The following TNFAIP8 variants were observed in gnomAD, a reference collection of about 807,000 sequenced individuals.
TNFAIP8 encodes tumor necrosis factor alpha-induced protein 8.
TNFAIP8 carries 7 observed loss-of-function variants against 13.3 expected under a neutral mutation model. The ratio of observed to expected loss-of-function variants is 0.52; its 90% CI spans 0.30 to 0.99. TNFAIP8 has a LOEUF of 0.99. Among genes scored for constraint, TNFAIP8 ranks in the 50% least tolerant of loss-of-function variants. The probability of loss-of-function intolerance (pLI) is 0.07; values close to 1 mark genes in which losing one functional copy is unlikely to be tolerated. For synonymous variants in TNFAIP8, 94 were observed against 87.6 expected (o/e 1.07, Z -0.41); for missense variants, 258 against 236.9 (o/e 1.09, Z -0.58).
intron 1 of TNFAIP8, among the ~76,000 whole-genome samples, chr5:119,291,209 G>T (rs951579545): frequency 7.2e-5 from 11 of 152,150 alleles, no homozygotes; most frequent in African/African-American, 2.7e-4. Context: ...GTTATCACAA[G>T]TAGATAGCAA....
At chr5:119,311,706 A>AAAAAAAAAAAAC (rs1749735914) in intron 1 of TNFAIP8, among the ~76,000 whole-genome samples, 1 of 151,426 alleles carries the variant, frequency 6.6e-6, no homozygotes, top group Non-Finnish European at 1.5e-5. Flanking sequence ...AAAAAAAAAA[A>AAAAAAAAAAAAC]AAATCAGTGA....
intron 1 of TNFAIP8, among the ~76,000 whole-genome samples, chr5:119,389,674 T>C (rs1421239011): frequency 6.6e-6 from 1 of 152,060 alleles, no homozygotes; most frequent in Non-Finnish European, 1.5e-5. Context: ...CTCATGCATG[T>C]CTTCTTGGTG....
chr5:119,317,114 C>T (rs562313618), intron 1 of TNFAIP8, among the ~76,000 whole-genome samples: 1 of 152,270 alleles, frequency 6.6e-6, no homozygotes, highest in Admixed American at 6.5e-5. Context: ...GTAGTTTTGC[C>T]TCTGCCCTTT....
chr5:119,371,185 A>G (rs1032577148), intron 1 of TNFAIP8, among the ~76,000 whole-genome samples: 1 of 152,196 alleles, frequency 6.6e-6, no homozygotes, highest in Non-Finnish European at 1.5e-5. Flanking sequence ...ATAAGACAGC[A>G]TTCATTTTGA....
intron 1 of TNFAIP8, among the ~76,000 whole-genome samples, chr5:119,293,582 T>G (rs557156146): frequency 6.6e-6 from 1 of 152,366 alleles, no homozygotes; most frequent in South Asian, 2.1e-4. Flanking sequence ...ATTGTCACTA[T>G]TTATTCCGGA....
At chr5:119,298,256 T>C (rs558323947) in intron 1 of TNFAIP8, among the ~76,000 whole-genome samples, 5 of 152,088 alleles carry the variant, frequency 3.3e-5, no homozygotes, top group African/African-American at 1.2e-4. Flanking sequence ...GGTTGTTCCT[T>C]TCCATGTTTA....
chr5:119,290,750 C>G (rs1224768892), intron 1 of TNFAIP8, among the ~76,000 whole-genome samples: 1 of 152,096 alleles, frequency 6.6e-6, no homozygotes, highest in African/African-American at 2.4e-5. Context: ...AGGAAGGAGG[C>G]AGAATGTAAA....
Position 119,363,651 on chromosome 5 carries a change from C to T in TNFAIP8, c.31+7530C>T, listed in dbSNP as rs145778841. Among the ~76,000 whole-genome samples, 685 of 152,352 alleles carry T rather than the reference C, an allele frequency of 4.5e-3. 9 individuals carry two copies. Among genetic ancestry groups the T allele is most frequent in the South Asian group, 0.043 (206 of 4,830 alleles). ...GGTTTCCTATACATTCACAACATTG[C>T]TGACACCGAATGTGAGAGGGTCTTT... On this transcript the variant is annotated intron_variant, in intron 1 of 1. Transcript: ENST00000504771.
In TNFAIP8 at chr5:119,276,809, A is replaced by G. The variant is rs140909308; in HGVS notation, c.1+7902A>G. On this transcript the variant is annotated intron_variant, in intron 1 of 1. Coordinates refer to the TNFAIP8 transcript ENST00000274456. ...CCATACTAGAGATCAGGGTTTCAGT[A>G]TATGAATTTGGGTGGTACATTTCAG... Among the ~76,000 whole-genome samples, 516 of 152,316 alleles carry G rather than the reference A, an allele frequency of 3.4e-3. 5 individuals are homozygous for G. Among genetic ancestry groups the G allele is most frequent in the East Asian group, 0.022 (113 of 5,194 alleles).
chr5:119,367,293 T>A (rs1018121084), intron 1 of TNFAIP8, among the ~76,000 whole-genome samples: 1 of 138,432 alleles, frequency 7.2e-6, no homozygotes, highest in Non-Finnish European at 1.6e-5. Flanking sequence ...AGGAATAATT[T>A]GATTTTTTTG....
chr5:119,391,759 CAAA>C (rs1189646198), intron 1 of TNFAIP8, among the ~76,000 whole-genome samples: 9 of 79,472 alleles, frequency 1.1e-4, no homozygotes, highest in Admixed American at 2.7e-4. Flanking sequence ...AACTCCGTCT[CAAA>C]AAAAAAAAAA....
intron 1 of TNFAIP8, among the ~76,000 whole-genome samples, chr5:119,305,355 A>G (rs1749518398): frequency 6.6e-6 from 1 of 152,238 alleles, no homozygotes; most frequent in Admixed American, 6.5e-5. Context: ...TCAGTTTCTA[A>G]CAACTATTAA....
intron 1 of TNFAIP8, chr5:119,269,017 G>A: frequency 3.2e-6 from 2 of 616,064 alleles, no homozygotes; most frequent in South Asian, 1.8e-5. Context: ...AGTTTCTGAA[G>A]CGAGTGTGAG....
At chr5:119,282,575 G>A (rs66540474) in intron 1 of TNFAIP8, among the ~76,000 whole-genome samples, 30 of 152,154 alleles carry the variant, frequency 2.0e-4, no homozygotes, top group Admixed American at 1.3e-4. Context: ...AACTCCTGGC[G>A]CACAGAGTGT....
intron 1 of TNFAIP8, among the ~76,000 whole-genome samples, chr5:119,361,656 G>A (rs536259040): frequency 6.6e-6 from 1 of 152,326 alleles, no homozygotes; most frequent in South Asian, 2.1e-4. Context: ...TTGAAGTCAG[G>A]GTTGACTGTC....
chr5:119,282,618 C>A (rs189419537), intron 1 of TNFAIP8, among the ~76,000 whole-genome samples: 1 of 152,226 alleles, frequency 6.6e-6, no homozygotes, highest in African/African-American at 2.4e-5. Context: ...GTGGTCCCCA[C>A]GCCTGCTTGC....
upstream of TNFAIP8, chr5:119,355,465 C>G (rs1448090050): frequency 6.0e-6 from 4 of 666,748 alleles, no homozygotes; most frequent in African/African-American, 3.6e-5. Flanking sequence ...CTCTCTTAAG[C>G]TGGTCCTTGC....
intron 1 of TNFAIP8, among the ~76,000 whole-genome samples, chr5:119,310,759 G>A (rs186152242): frequency 7.2e-5 from 11 of 152,178 alleles, no homozygotes; most frequent in South Asian, 2.1e-4. Flanking sequence ...CTGGGGAGGC[G>A]GAGGTTACAG....
chr5:119,331,201 C>T (rs1032725076), intron 1 of TNFAIP8, among the ~76,000 whole-genome samples: 1 of 151,666 alleles, frequency 6.6e-6, no homozygotes, highest in Non-Finnish European at 1.5e-5. Context: ...CATGGAAGTG[C>T]TGTGCATAGT....
Sources: gnomAD v4.1 joint callset for allele counts (sites outside exome capture counted in the v4.1 genomes callset) on GRCh38, gnomAD v4.1.1 for gene constraint, MANE v1.5 for transcripts, NCBI Gene and HGNC (gene_info 2026-07-23, HGNC 2026-07-21) for gene names.